Variants in ITGAM observed in about 807,000 individuals in gnomAD.
ITGAM encodes the protein integrin subunit alpha M.
Under a neutral mutation model 137.5 loss-of-function variants are expected in ITGAM, and 79 were observed. That is an observed-to-expected ratio of 0.57 (90% CI 0.48 to 0.69). ITGAM has a LOEUF of 0.69. ITGAM is among the 30% of genes least tolerant of loss of function. The pLI is 0.00. For missense variants in ITGAM, 1,343 were observed against 1,483.5 expected, an observed-to-expected ratio of 0.91 and a Z score of 1.56; for synonymous variants, 583 against 592.3, an observed-to-expected ratio of 0.98 and a Z score of 0.23.
chr16:31,291,289 C>T (rs559254931), intron 12 of ITGAM, among the ~76,000 whole-genome samples: 265 of 152,224 alleles, frequency 1.7e-3, no homozygotes, highest in African/African-American at 6.1e-3. Context: ...AATAGTGCTG[C>T]GATAAACACG....
At chr16:31,311,969 G>A (rs537345716) in intron 14 of ITGAM, among the ~76,000 whole-genome samples, 20 of 152,084 alleles carry the variant, frequency 1.3e-4, no homozygotes, top group African/African-American at 4.3e-4. Context: ...AAAAGGATGA[G>A]TTCATGTCCT....
chr16:31,322,674 A>G (rs999076434), intron 16 of ITGAM, among the ~76,000 whole-genome samples: 4 of 152,226 alleles, frequency 2.6e-5, no homozygotes, highest in African/African-American at 9.7e-5. Context: ...CCCACAGGTG[A>G]TTCAGAAATT....
rs534625633 is a variant in ITGAM at position 31,271,094 on chromosome 16, CA to C, written c.558+11del. 7.1e-4 allele frequency: 1,097 copies of C among 1,551,044 alleles called. No individual in the cohort carries two copies. The highest frequency in any genetic ancestry group is 9.1e-4 in the Non-Finnish European group (1,045 of 1,142,214). On this transcript the variant is annotated intron_variant, in intron 6 of 29. Transcript: ENST00000544665. ...AAAGTCCAAAACCTTGGTGAGGGCC[CA>C]GGGGTAGGTTAGGGAAGAGCCCACA...
intron 14 of ITGAM, among the ~76,000 whole-genome samples, chr16:31,303,562 C>G (rs541519318): frequency 6.6e-6 from 1 of 152,108 alleles, no homozygotes; most frequent in African/African-American, 2.4e-5. Flanking sequence ...ATCAAAGCAG[C>G]GTACACTGTA....
intron 2 of ITGAM, among the ~76,000 whole-genome samples, chr16:31,264,118 G>A (rs910671744): frequency 2.6e-5 from 4 of 152,036 alleles, no homozygotes; most frequent in African/African-American, 7.2e-5. Context: ...TTACAGGTGT[G>A]AGCCACTGCG....
intron 12 of ITGAM, among the ~76,000 whole-genome samples, chr16:31,292,223 T>A (rs189254629): frequency 7.2e-5 from 11 of 152,254 alleles, no homozygotes; most frequent in Admixed American, 6.5e-4. Flanking sequence ...ACTTTTTATT[T>A]ATTTATTTAA....
rs1399921316 is a variant in ITGAM, at chr16:31,324,674, C to A, written c.2181C>A (p.Ser727Arg). 1.2e-6 allele frequency: 2 copies of A among 1,601,026 alleles called. No homozygotes were observed. The highest frequency in any genetic ancestry group is 4.5e-5 in the East Asian group (2 of 44,736). ...QLPNCIEDPV[S>R]PIVLRLNFSL... is the part of the protein sequence containing the mutation. ...AGAATTGCATCGAGGACCCAGTGAG[C>A]CCCATTGTGCTGCGCCTGAACTTCT... The change falls in exon 18 of 30, where the codon AGC becomes AGA. Residue 727 changes from serine (S) to arginine (R), a missense_variant. Transcript: ENST00000544665. This position sits in a 1 kb window ranked among gnomAD's most constrained non-coding sequence, Gnocchi z 4.5.
rs541444479 is a variant in ITGAM, at chr16:31,280,385, A to T, written c.1356+2276A>T. Reference sequence around the variant, plus strand: ...TATCCATGAGCATGGAATGTTCTTCAATTTGTTTGTGTCCTCTTTTATTTC... The same window carrying T: ...TATCCATGAGCATGGAATGTTCTTCTATTTGTTTGTGTCCTCTTTTATTTC... On this transcript the variant is annotated intron_variant, in intron 12 of 29. Coordinates refer to ENST00000544665, the MANE Select transcript of ITGAM (RefSeq NM_000632.4). Among the ~76,000 whole-genome samples, 4 of 152,110 alleles carry T rather than the reference A, an allele frequency of 2.6e-5. No homozygotes were observed. In the East Asian group the frequency reaches 5.8e-4, roughly 22 times the overall value.
chr16:31,318,344 C>CTTT (rs34125826), intron 14 of ITGAM, among the ~76,000 whole-genome samples: 3 of 131,482 alleles, frequency 2.3e-5, no homozygotes, highest in African/African-American at 2.8e-5. Context: ...CTTGTCAGTT[C>CTTT]TTTTTTTTTT....
rs550859440 is a variant in ITGAM at position 31,300,411 on chromosome 16, G to A, written c.1707+2457G>A. Among the ~76,000 whole-genome samples, 19 of 152,272 alleles carry A rather than the reference G, an allele frequency of 1.2e-4. No individual in the cohort carries two copies. The South Asian group carries it at 3.1e-3, about 25-fold the overall frequency. ...GCAGTCTCGCCAACAGTGTGCAAAGGTTCTGATTTTTCCATGTGTTTACCA... is the reference window on the plus strand; with the variant it reads ...GCAGTCTCGCCAACAGTGTGCAAAGATTCTGATTTTTCCATGTGTTTACCA... On this transcript the variant is annotated intron_variant, in intron 14 of 29. Coordinates refer to ENST00000544665, the MANE Select transcript of ITGAM (RefSeq NM_000632.4).
chr16:31,331,855 A>ATGTGGGTG lies in ITGAM; in HGVS notation c.*152_*153insGGTGTGTG. 1 of 503,076 alleles carries ATGTGGGTG rather than the reference A, an allele frequency of 2.0e-6. No homozygotes were observed. Among genetic ancestry groups the ATGTGGGTG allele is most frequent in the Non-Finnish European group, 3.5e-6 (1 of 284,328 alleles). The allele number at this position is 503,076 out of a possible 1,614,324, so 31.2% of individuals were successfully genotyped here. On this transcript the variant is annotated 3_prime_UTR_variant, in exon 30 of 30. Transcript: ENST00000544665. ...TCCATTTGTGTGTGTGCAAGTGTGT[A>ATGTGGGTG]TGTGCGTGTGTGCAAGTGTCTGTGT...
chr16:31,302,918 CTCTT>C (rs67320202), intron 14 of ITGAM, among the ~76,000 whole-genome samples: 6,235 of 72,854 alleles, frequency 0.086, 153 homozygotes, highest in African/African-American at 0.097. Flanking sequence ...CTTTCCCTCC[CTCTT>C]TCTTTCTTTC....
intron 14 of ITGAM, among the ~76,000 whole-genome samples, chr16:31,300,685 T>C (rs9930524): frequency 0.25 from 38,290 of 151,966 alleles, 7,915 homozygotes; most frequent in African/African-American, 0.57. Context: ...CCGAGGCGGG[T>C]GTATCACCTG....
intron 12 of ITGAM, among the ~76,000 whole-genome samples, chr16:31,286,272 C>T (rs2080028901): frequency 6.6e-6 from 1 of 152,114 alleles, no homozygotes; most frequent in Non-Finnish European, 1.5e-5. Flanking sequence ...AGGTTGATTC[C>T]ATGTCTTTCT....
intron 21 of ITGAM, 95 bp from the exon 22 acceptor site, chr16:31,326,761 G>A: frequency 1.2e-6 from 1 of 850,544 alleles, no homozygotes; most frequent in Non-Finnish European, 2.0e-6. Flanking sequence ...TGCATGGATG[G>A]GCCATATTTC....
In ITGAM at chr16:31,283,718, C is replaced by T. The variant is rs549280474; in HGVS notation, c.1356+5609C>T. Reference sequence around the variant, plus strand: ...TATTACCGATCATCTGAAGCCTTCTCCTCTCAACTCGTTAAAGTCATTCTC... The same window carrying T: ...TATTACCGATCATCTGAAGCCTTCTTCTCTCAACTCGTTAAAGTCATTCTC... On this transcript the variant is annotated intron_variant, in intron 12 of 29. Coordinates refer to ENST00000544665, the MANE Select transcript of ITGAM (RefSeq NM_000632.4). Among the ~76,000 whole-genome samples, 3 of 152,326 alleles carry T rather than the reference C, an allele frequency of 2.0e-5. No homozygotes were observed. In the South Asian group the frequency reaches 6.2e-4, roughly 32 times the overall value.
At chr16:31,305,751 G>A (rs113455892) in intron 14 of ITGAM, among the ~76,000 whole-genome samples, 11,626 of 152,026 alleles carry the variant, frequency 0.076, 1,508 homozygotes, top group African/African-American at 0.27. Context: ...TTCTGTTTAT[G>A]TGATGTATCA....
chr16:31,268,841 C>T (rs1162388981), intron 5 of ITGAM, among the ~76,000 whole-genome samples: 1 of 152,132 alleles, frequency 6.6e-6, no homozygotes, highest in Non-Finnish European at 1.5e-5. Flanking sequence ...AGGCCCTTGT[C>T]CCATATATCA....
At chr16:31,303,814 C>G (rs2080239596) in intron 14 of ITGAM, among the ~76,000 whole-genome samples, 1 of 152,082 alleles carries the variant, frequency 6.6e-6, no homozygotes, top group South Asian at 2.1e-4. Flanking sequence ...TGTATATATA[C>G]ACATATACAC....
Sources: gnomAD v4.1 joint callset for allele counts (sites outside exome capture counted in the v4.1 genomes callset) on GRCh38, gnomAD v4.1.1 for gene constraint, Gnocchi (gnomAD v3.1) non-coding constraint, MANE v1.5 for transcripts, NCBI Gene and HGNC (gene_info 2026-07-23, HGNC 2026-07-21) for gene names.